ME2: variants seen among roughly 807,000 people sequenced by gnomAD.
ME2 encodes malic enzyme 2, also known as NAD-dependent malic enzyme, mitochondrial.
In ME2, 60 loss-of-function variants were observed where a neutral mutation model predicts 73.7. The ratio of observed to expected loss-of-function variants is 0.81; its 90% CI spans 0.66 to 1.01. ME2 has a LOEUF of 1.01. Among genes scored for constraint, ME2 ranks in the 50% least tolerant of loss-of-function variants. The probability of loss-of-function intolerance (pLI) is 0.00; values close to 1 mark genes in which losing one functional copy is unlikely to be tolerated. For synonymous variants in ME2, 199 were observed against 236.9 expected, an observed-to-expected ratio of 0.84 and a Z score of 1.47; for missense variants, 594 against 705.5, an observed-to-expected ratio of 0.84 and a Z score of 1.79.
chr18:50,899,600 A>C (rs1916838115), intron 2 of ME2, among the ~76,000 whole-genome samples: 1 of 152,154 alleles, frequency 6.6e-6, no homozygotes, highest in Admixed American at 6.5e-5. Context: ...TGGCAGAGTG[A>C]GCCCCTGTCT....
At chr18:50,943,324 G>A (rs528736221) in intron 15 of ME2, among the ~76,000 whole-genome samples, 119 of 151,550 alleles carry the variant, frequency 7.9e-4, no homozygotes, top group Non-Finnish European at 7.2e-4. Context: ...TTTTGAGGCC[G>A]AGTTTTACTC....
intron 2 of ME2, among the ~76,000 whole-genome samples, chr18:50,904,853 G>A (rs577528957): frequency 3.9e-5 from 6 of 151,960 alleles, no homozygotes; most frequent in Non-Finnish European, 8.8e-5. Context: ...TGGATGTGTG[G>A]ATTAATGTTT....
intron 12 of ME2, among the ~76,000 whole-genome samples, chr18:50,930,702 A>T (rs1036967886): frequency 1.3e-5 from 2 of 152,208 alleles, no homozygotes; most frequent in Admixed American, 1.3e-4. Flanking sequence ...TTTTTCCATG[A>T]TGTGCTATAT....
intron 3 of ME2, among the ~76,000 whole-genome samples, chr18:50,909,590 T>G (rs921401569): frequency 2.0e-5 from 3 of 152,224 alleles, no homozygotes; most frequent in African/African-American, 7.2e-5. Flanking sequence ...TATAGGAGAT[T>G]ATTGGTGACT....
At chr18:50,913,923 A>C (rs1206902777) in intron 4 of ME2, among the ~76,000 whole-genome samples, 1 of 149,896 alleles carries the variant, frequency 6.7e-6, no homozygotes, top group Non-Finnish European at 1.5e-5. Context: ...GAGTTTTCTT[A>C]TTCCTCTAAT....
At chr18:50,911,811 T>G (rs537052642) in intron 3 of ME2, among the ~76,000 whole-genome samples, 68 of 152,276 alleles carry the variant, frequency 4.5e-4, no homozygotes, top group African/African-American at 1.6e-3. Flanking sequence ...GAGCCTTATT[T>G]TACGATGATT....
intron 2 of ME2, among the ~76,000 whole-genome samples, chr18:50,903,458 C>CT (rs956032708): frequency 1.1e-4 from 16 of 149,852 alleles, no homozygotes; most frequent in African/African-American, 2.7e-4. Context: ...GCAAAGCGTA[C>CT]TTTTTTTTTT....
In ME2 at chr18:50,895,766, A is replaced by G. The variant is rs567691922; in HGVS notation, c.-12-43A>G. 123 of 1,267,600 alleles carry G rather than the reference A, an allele frequency of 9.7e-5. No homozygotes were observed. In the African/African-American group the frequency reaches 1.6e-3, roughly 17 times the overall value. 78.5% of individuals were successfully genotyped at this position (1,267,600 alleles called of 1,614,324 possible). ...ATACCCGATGGACATGAAGGCCTAT[A>G]ATATGATTCTCTTCAGTGGTTTATT... is the stretch of plus-strand genomic sequence containing the variant. On this transcript the variant is annotated intron_variant, in intron 1 of 15. Transcript: ENST00000321341.
intron 4 of ME2, chr18:50,915,806 G>T (rs1038750937): frequency 6.3e-6 from 1 of 157,632 alleles, no homozygotes. Context: ...GTTTCAGTAA[G>T]TCTTAACAAT....
chr18:50,927,721 CATATATATATATATATATAT>C (rs368161371), intron 12 of ME2, among the ~76,000 whole-genome samples: 2 of 85,434 alleles, frequency 2.3e-5, no homozygotes, highest in Non-Finnish European at 4.1e-5. Context: ...CCCAAAAAAC[CATATATATATATATATATAT>C]ATATATATAT....
At chr18:50,901,241 A>G (rs1471947331) in intron 2 of ME2, among the ~76,000 whole-genome samples, 1 of 152,250 alleles carries the variant, frequency 6.6e-6, no homozygotes, top group Non-Finnish European at 1.5e-5. Context: ...TCTCCTGCTT[A>G]TAAATGTGTG....
chr18:50,911,427 G>C (rs1917153399), intron 3 of ME2, among the ~76,000 whole-genome samples: 1 of 152,184 alleles, frequency 6.6e-6, no homozygotes, highest in Non-Finnish European at 1.5e-5. Context: ...AACTATAGAA[G>C]TATATGAGGT....
chr18:50,900,062 C>T (rs1916849703), intron 2 of ME2, among the ~76,000 whole-genome samples: 2 of 152,002 alleles, frequency 1.3e-5, no homozygotes. Flanking sequence ...TAGGAAATAC[C>T]CCTATTCACA....
intron 1 of ME2, among the ~76,000 whole-genome samples, chr18:50,895,501 C>T (rs543338253): frequency 3.8e-4 from 58 of 152,228 alleles, no homozygotes; most frequent in African/African-American, 1.3e-3. Flanking sequence ...ACTATGTTAC[C>T]TCTTAATGTG....
chr18:50,922,059 T>C (rs1917442318), intron 10 of ME2, among the ~76,000 whole-genome samples: 1 of 152,256 alleles, frequency 6.6e-6, no homozygotes, highest in African/African-American at 2.4e-5. Context: ...TTGGCATTTA[T>C]GTCTGTGGAG....
At chr18:50,923,086 T>C (rs962051727) in intron 10 of ME2, among the ~76,000 whole-genome samples, 4 of 152,310 alleles carry the variant, frequency 2.6e-5, no homozygotes, top group African/African-American at 7.2e-5. Context: ...ACTACAAATT[T>C]AACTTTTATG....
rs145680127 is a variant in ME2, at chr18:50,943,281, A to G, written c.1587+2895A>G. ...TTGATCATAAAATTTTATCATTTTG[A>G]CTATTAAATTTATTTATTTATTTAT... On this transcript the variant is annotated intron_variant, in intron 15 of 15. Transcript: ENST00000321341. Among the ~76,000 whole-genome samples, 72 of 152,074 alleles carry G rather than the reference A, an allele frequency of 4.7e-4. 1 individual carries two copies. The East Asian group carries it at 9.1e-3, about 19-fold the overall frequency.
chr18:50,880,646 GA>G (rs1260542397), intron 1 of ME2, among the ~76,000 whole-genome samples: 1 of 152,152 alleles, frequency 6.6e-6, no homozygotes, highest in Non-Finnish European at 1.5e-5. Flanking sequence ...TCGAACTCCT[GA>G]CCTCAAGTGA....
intron 2 of ME2, among the ~76,000 whole-genome samples, chr18:50,896,937 C>A (rs1264111878): frequency 6.6e-6 from 1 of 152,150 alleles, no homozygotes; most frequent in Non-Finnish European, 1.5e-5. Context: ...ATATTCTGAT[C>A]TTCTCTTGTT....
Sources: gnomAD v4.1 joint callset for allele counts (sites outside exome capture counted in the v4.1 genomes callset) on GRCh38, gnomAD v4.1.1 for gene constraint, MANE v1.5 for transcripts, NCBI Gene and HGNC (gene_info 2026-07-23, HGNC 2026-07-21) for gene names.